ARPP21: variants seen among roughly 807,000 people sequenced by gnomAD.
The protein encoded by ARPP21 is cAMP regulated phosphoprotein 21.
ARPP21 carries 69 observed loss-of-function variants against 113.2 expected under a neutral mutation model. That is an observed-to-expected ratio of 0.61 (90% CI 0.50 to 0.74). The LOEUF is 0.74. Among genes scored for constraint, ARPP21 ranks in the 30% least tolerant of loss-of-function variants. ARPP21 has a pLI of 0.00. For missense variants in ARPP21, 1,070 were observed against 1,037.4 expected, an observed-to-expected ratio of 1.03 and a Z score of -0.43; for synonymous variants, 368 against 375.5, an observed-to-expected ratio of 0.98 and a Z score of 0.23.
chr3:35,679,429 C>G (rs1343529998), intron 1 of ARPP21, among the ~76,000 whole-genome samples: 1 of 150,650 alleles, frequency 6.6e-6, no homozygotes, highest in Non-Finnish European at 1.5e-5. Context: ...AGAGGCAAGA[C>G]TTTTGCTCAT....
intron 11 of ARPP21, among the ~76,000 whole-genome samples, chr3:35,711,687 T>C (rs747461733): frequency 1.5e-4 from 23 of 152,304 alleles, no homozygotes; most frequent in Non-Finnish European, 2.9e-4. Flanking sequence ...CAAGTGGTTA[T>C]CTGCTTTCAA....
At position 35,716,962 on chromosome 3, in the gene ARPP21, A is replaced by G. The variant is rs145170814; in HGVS notation, c.936-336A>G. 3.0e-3 allele frequency among the ~76,000 whole-genome samples: 463 copies of G among 152,194 alleles called. 4 individuals carry two copies. The highest frequency in any genetic ancestry group is 0.01 in the African/African-American group (433 of 41,568). On this transcript the variant is annotated intron_variant, in intron 12 of 20. Coordinates refer to ENST00000684406, the MANE Select transcript of ARPP21 (RefSeq NM_001385562.1). ...TGCCAATATTTCATTATGCCAAAAT[A>G]TGAAGAATAGTTTTAATATATTACT...
chr3:35,726,075 G>A (rs1012356045), intron 14 of ARPP21, among the ~76,000 whole-genome samples: 1 of 152,178 alleles, frequency 6.6e-6, no homozygotes, highest in African/African-American at 2.4e-5. Flanking sequence ...TCAAAATGAG[G>A]CTGCTGTAAA....
chr3:35,685,452 G>A (rs2080270754), intron 5 of ARPP21: 1 of 985,046 alleles, frequency 1.0e-6, no homozygotes. Context: ...CCTTTTTAGA[G>A]AATAAAGAAA....
chr3:35,672,370 A>T (rs2076545219), intron 1 of ARPP21, among the ~76,000 whole-genome samples: 1 of 152,102 alleles, frequency 6.6e-6, no homozygotes, highest in South Asian at 2.1e-4. Context: ...AAACCTCCAG[A>T]AACATGTCCT....
chr3:35,696,221 T>C (rs2083961964), intron 9 of ARPP21, among the ~76,000 whole-genome samples: 1 of 151,618 alleles, frequency 6.6e-6, no homozygotes, highest in Non-Finnish European at 1.5e-5. Flanking sequence ...TGAGTGCTGC[T>C]GTCACCAAGG....
chr3:35,762,344 A>G (rs1390478964), intron 19 of ARPP21, among the ~76,000 whole-genome samples: 1 of 152,130 alleles, frequency 6.6e-6, no homozygotes, highest in East Asian at 1.9e-4. Flanking sequence ...TTAATATCAG[A>G]GAAGTGCTGA....
At chr3:35,729,728 T>C (rs1192071718) in intron 15 of ARPP21, among the ~76,000 whole-genome samples, 192 bp downstream of exon 15, 1 of 152,256 alleles carries the variant, frequency 6.6e-6, no homozygotes, top group Non-Finnish European at 1.5e-5. Context: ...ATTTATATCT[T>C]CATATCAATA....
At chr3:35,658,947 T>C (rs1388926677) in intron 1 of ARPP21, among the ~76,000 whole-genome samples, 2 of 152,094 alleles carry the variant, frequency 1.3e-5, no homozygotes, top group Non-Finnish European at 2.9e-5. Context: ...AGATAATCAT[T>C]TGTTTGTTTT....
chr3:35,717,966 A>G (rs554193233), intron 13 of ARPP21, among the ~76,000 whole-genome samples: 6 of 152,234 alleles, frequency 3.9e-5, no homozygotes, highest in African/African-American at 1.4e-4. Flanking sequence ...GCTCTATTCA[A>G]TGTATATCTG....
At chr3:35,736,679 A>G (rs1418652826) in intron 15 of ARPP21, among the ~76,000 whole-genome samples, 2 of 152,178 alleles carry the variant, frequency 1.3e-5, no homozygotes, top group African/African-American at 4.8e-5. Flanking sequence ...TTGTATATTT[A>G]TTGGAAGAAC....
intron 19 of ARPP21, among the ~76,000 whole-genome samples, chr3:35,759,676 C>CTCTGTGTGTGTG (rs747297264): frequency 7.1e-5 from 10 of 140,898 alleles, no homozygotes; most frequent in South Asian, 2.3e-4. Context: ...TTTTCTCTCT[C>CTCTGTGTGTGTG]TGTGTGTGTG....
chr3:35,654,949 C>T (rs1321758362), intron 1 of ARPP21, among the ~76,000 whole-genome samples: 1 of 151,768 alleles, frequency 6.6e-6, no homozygotes, highest in Non-Finnish European at 1.5e-5. Flanking sequence ...AAACTAACAA[C>T]CAAAATAATT....
intron 14 of ARPP21, 73 bp downstream of exon 14, chr3:35,721,907 C>A: frequency 1.1e-6 from 1 of 923,198 alleles, no homozygotes; most frequent in Non-Finnish European, 1.6e-6. Context: ...GTCACCATTC[C>A]CTCTGACTTT....
intron 11 of ARPP21, chr3:35,715,226 C>T (rs945019417): frequency 8.0e-5 from 39 of 484,930 alleles, no homozygotes; most frequent in Non-Finnish European, 1.2e-4. Context: ...AACCTGGAGA[C>T]GTCCTGAAGG....
Position 35,639,866 on chromosome 3 carries a change from GCGC to G in ARPP21, c.-744_-742del. On this transcript the variant is annotated 5_prime_UTR_variant, in exon 1 of 21. Transcript: ENST00000684406. The surrounding 1 kb of genome is among the most constrained non-coding windows in gnomAD (Gnocchi z 5.0). ...GGGATTCGGACGGACGGACAGACCAGCGCACAGACTGGCAGCCTGCGAGAGTGG... is the reference window on the plus strand; with the variant it reads ...GGGATTCGGACGGACGGACAGACCAGACAGACTGGCAGCCTGCGAGAGTGG... The G allele has an allele frequency of 6.5e-6, 1 of 152,684 alleles. No individual in the cohort carries two copies. The highest frequency in any genetic ancestry group is 1.9e-4 in the East Asian group (1 of 5,168). The allele number at this position is 152,684 out of a possible 1,614,324, so 9.5% of individuals were successfully genotyped here.
intron 13 of ARPP21, 90 bp downstream of exon 13, chr3:35,717,447 T>C (rs979743845): frequency 2.4e-6 from 2 of 817,106 alleles, no homozygotes; most frequent in African/African-American, 3.4e-5. Flanking sequence ...GTAAAATATA[T>C]CTGTTCATTT....
At chr3:35,743,759 A>G in intron 18 of ARPP21, 80 bp from the exon 19 acceptor site, 1 of 1,477,442 alleles carries the variant, frequency 6.8e-7, no homozygotes, top group Non-Finnish European at 9.4e-7. Flanking sequence ...CACAATTATA[A>G]GACGAAAGCA....
At chr3:35,668,027 A>AAGAAGGAGAAGGAGAAGG (rs1181658287) in intron 1 of ARPP21, among the ~76,000 whole-genome samples, 9 of 132,366 alleles carry the variant, frequency 6.8e-5, no homozygotes, top group African/African-American at 2.0e-4. Flanking sequence ...GAAGAAGAAG[A>AAGAAGGAGAAGGAGAAGG]AGAAGGAGAA....
Sources: allele counts gnomAD v4.1 joint callset (sites outside exome capture counted in the v4.1 genomes callset), GRCh38; gene constraint gnomAD v4.1.1; non-coding constraint Gnocchi (gnomAD v3.1); transcripts MANE v1.5; gene names NCBI Gene and HGNC (gene_info 2026-07-23, HGNC 2026-07-21).